Variants in CIMAP2 observed in about 807,000 individuals in gnomAD.
CIMAP2 encodes the protein ciliary microtubule associated protein 2.
chr1:54,811,765 G>GCGGGGGGGGGGCCCCCCCCCC, the CIMAP2 span: 2 of 1,301,330 alleles, frequency 1.5e-6, no homozygotes, highest in Non-Finnish European at 2.2e-6. Flanking sequence ...GGTTCTGACA[G>GCGGGGGGGGGGCCCCCCCCCC]CCTCCATGCC....
the CIMAP2 span, chr1:54,811,765 G>GCCGGGGGGGGGGCCCCCCC: frequency 3.0e-5 from 39 of 1,301,246 alleles, no homozygotes; most frequent in Non-Finnish European, 3.7e-5. Flanking sequence ...GGTTCTGACA[G>GCCGGGGGGGGGGCCCCCCC]CCTCCATGCC....
At chr1:54,808,489 C>A in the CIMAP2 span, among the ~76,000 whole-genome samples, 1 of 151,986 alleles carries the variant, frequency 6.6e-6, no homozygotes, top group Non-Finnish European at 1.5e-5. Context: ...GGCAGGAGGC[C>A]AGTGTGGCCA....
the CIMAP2 span, chr1:54,811,777 C>CGGGGGGGGGGCGGGGGGGGG: frequency 2.0e-6 from 1 of 511,466 alleles, no homozygotes; most frequent in East Asian, 4.4e-5. Flanking sequence ...CTCCATGCCC[C>CGGGGGGGGGGCGGGGGGGGG]CACCCCCGCC....
chr1:54,817,762 C>T, the CIMAP2 span, among the ~76,000 whole-genome samples: 330 of 25,068 alleles, frequency 0.013, 1 homozygote, highest in African/African-American at 0.028. Context: ...GACATGAGGA[C>T]CAGATTCTGA....
chr1:54,829,292 G>A, the CIMAP2 span, among the ~76,000 whole-genome samples: 7 of 152,264 alleles, frequency 4.6e-5, no homozygotes, highest in Admixed American at 2.6e-4. Context: ...TTTCCCATCT[G>A]TAAAAACAGA....
At chr1:54,811,765 G>GCCGGGGGGGGGGCGCCCCCCCC in the CIMAP2 span, 1 of 1,301,310 alleles carries the variant, frequency 7.7e-7, no homozygotes, top group Non-Finnish European at 1.1e-6. Context: ...GGTTCTGACA[G>GCCGGGGGGGGGGCGCCCCCCCC]CCTCCATGCC....
chr1:54,815,641 T>G, the CIMAP2 span, among the ~76,000 whole-genome samples: 1 of 152,190 alleles, frequency 6.6e-6, no homozygotes, highest in Non-Finnish European at 1.5e-5. Flanking sequence ...GCTAAATTCT[T>G]GGCCTTGGGC....
chr1:54,808,012 G>T, the CIMAP2 span: 3 of 1,560,058 alleles, frequency 1.9e-6, no homozygotes, highest in Admixed American at 2.1e-5. Flanking sequence ...ACTCACTGGG[G>T]TAGGTGTTCT....
At chr1:54,807,629 C>T in the CIMAP2 span, 52 of 1,610,454 alleles carry the variant, frequency 3.2e-5, no homozygotes, top group African/African-American at 5.4e-5. Flanking sequence ...CAGGAAGCCA[C>T]GCGGCTGACC....
At chr1:54,814,933 T>C in the CIMAP2 span, 1 of 1,614,074 alleles carries the variant, frequency 6.2e-7, no homozygotes, top group Non-Finnish European at 8.5e-7. Context: ...GGCCCCAGTT[T>C]CTGGCTTCCA....
the CIMAP2 span, among the ~76,000 whole-genome samples, chr1:54,839,932 T>A: frequency 2.6e-5 from 4 of 152,092 alleles, no homozygotes; most frequent in African/African-American, 9.7e-5. Flanking sequence ...AAATTTCTTG[T>A]AGAGACATGC....
chr1:54,822,898 A>G, the CIMAP2 span, among the ~76,000 whole-genome samples: 1 of 152,102 alleles, frequency 6.6e-6, no homozygotes, highest in East Asian at 1.9e-4. Flanking sequence ...TCCTCTTGTT[A>G]TTGATTTCTA....
the CIMAP2 span, among the ~76,000 whole-genome samples, chr1:54,841,060 A>C: frequency 2.0e-5 from 3 of 152,054 alleles, no homozygotes; most frequent in East Asian, 3.9e-4. Flanking sequence ...ATGGAGAGAC[A>C]GGAGGTGTGG....
chr1:54,820,151 T>G, the CIMAP2 span, among the ~76,000 whole-genome samples: 1 of 144,778 alleles, frequency 6.9e-6, no homozygotes. Context: ...TCTTTCTCCC[T>G]TCCTTCCTTC....
At chr1:54,811,721 T>TCA in the CIMAP2 span, 161 of 1,420,154 alleles carry the variant, frequency 1.1e-4, 1 homozygote, top group Non-Finnish European at 1.2e-4. Flanking sequence ...CAATCTCAGG[T>TCA]GTCTGTTCCT....
the CIMAP2 span, chr1:54,812,187 C>T: frequency 1.2e-6 from 2 of 1,614,224 alleles, no homozygotes; most frequent in Non-Finnish European, 8.5e-7. Context: ...CTACTCCATG[C>T]AGGTGTGTAC....
the CIMAP2 span, chr1:54,814,049 G>T: frequency 6.7e-7 from 1 of 1,484,656 alleles, no homozygotes; most frequent in Non-Finnish European, 9.0e-7. Flanking sequence ...ATGGGGTAGG[G>T]TGGCTAATTT....
chr1:54,831,283 A>C, the CIMAP2 span, among the ~76,000 whole-genome samples: 1 of 152,204 alleles, frequency 6.6e-6, no homozygotes, highest in African/African-American at 2.4e-5. Flanking sequence ...ATATATATGA[A>C]ATGCATATTT....
chr1:54,812,823 C>T, the CIMAP2 span, among the ~76,000 whole-genome samples: 6 of 152,124 alleles, frequency 3.9e-5, no homozygotes, highest in African/African-American at 1.4e-4. Flanking sequence ...GCAGCCCTTG[C>T]GGAACTTACA....
Sources: gnomAD v4.1 joint callset for allele counts (sites outside exome capture counted in the v4.1 genomes callset) on GRCh38, gnomAD v4.1.1 for gene constraint, MANE v1.5 for transcripts, NCBI Gene and HGNC (gene_info 2026-07-23, HGNC 2026-07-21) for gene names.